The following NKAIN3 variants were observed in gnomAD, a reference collection of about 807,000 sequenced individuals.
The protein encoded by NKAIN3 is sodium/potassium-transporting ATPase subunit beta-1-interacting protein 3.
Under a neutral mutation model 30.2 loss-of-function variants are expected in NKAIN3, and 25 were observed. The ratio of observed to expected loss-of-function variants is 0.83; its 90% CI spans 0.60 to 1.16. The LOEUF is 1.16. Among genes scored for constraint, NKAIN3 ranks in the 50% most tolerant of loss-of-function variants. The probability of loss-of-function intolerance (pLI) is 0.00; values close to 1 mark genes in which losing one functional copy is unlikely to be tolerated. For missense variants in NKAIN3, 225 were observed against 254.1 expected (o/e 0.89, Z 0.78); for synonymous variants, 91 against 89.6 (o/e 1.02, Z -0.09).
At chr8:62,841,860 T>TTTAG (rs1204048819) in intron 4 of NKAIN3, among the ~76,000 whole-genome samples, 6 of 152,152 alleles carry the variant, frequency 3.9e-5, no homozygotes, top group African/African-American at 1.4e-4. Context: ...GAGTTCTATT[T>TTTAG]TTAGTTTTTG....
intron 1 of NKAIN3, among the ~76,000 whole-genome samples, chr8:62,536,942 C>T (rs1004747957): frequency 3.3e-5 from 5 of 151,978 alleles, no homozygotes; most frequent in African/African-American, 1.2e-4. Context: ...CTCTGCTCTC[C>T]CATCAGGAGA....
rs1333109129 is a variant in NKAIN3 at position 62,971,257 on chromosome 8, G to A, written c.*5850G>A. On this transcript the variant is annotated 3_prime_UTR_variant, in exon 7 of 7. Transcript: ENST00000623646. ...CACTACTTCTGTTTACATCTCATTAGCCAAAACTTGGTCCACCCCCAACTT... is the reference window on the plus strand; with the variant it reads ...CACTACTTCTGTTTACATCTCATTAACCAAAACTTGGTCCACCCCCAACTT... Among the ~76,000 whole-genome samples the A allele has an allele frequency of 6.6e-6, 1 of 152,114 alleles. No individual in the cohort carries two copies.
chr8:62,588,869 G>A (rs1810562609), intron 2 of NKAIN3, among the ~76,000 whole-genome samples: 1 of 151,714 alleles, frequency 6.6e-6, no homozygotes, highest in South Asian at 2.1e-4. Context: ...CATCCTAGCT[G>A]GTCTGTATGT....
At position 62,364,926 on chromosome 8, in the gene NKAIN3, T is replaced by TA. The variant is rs1434500913; in HGVS notation, c.54+115804dup. ...TCAATCAATTAAAATATACATTTGTTAAAAACCTTTATTTGCAGAGTAATT... is the reference window on the plus strand; with the variant it reads ...TCAATCAATTAAAATATACATTTGTTAAAAAACCTTTATTTGCAGAGTAATT... On this transcript the variant is annotated intron_variant, in intron 1 of 6. Transcript: ENST00000623646. Among the ~76,000 whole-genome samples, 14 of 151,838 alleles carry TA rather than the reference T, an allele frequency of 9.2e-5. No homozygotes were observed. In the South Asian group the frequency reaches 2.3e-3, roughly 25 times the overall value.
At chr8:62,814,715 G>T (rs2130720494) in intron 4 of NKAIN3, among the ~76,000 whole-genome samples, 1 of 152,018 alleles carries the variant, frequency 6.6e-6, no homozygotes, top group South Asian at 2.1e-4. Flanking sequence ...CAGAATCTCT[G>T]GGACACATTC....
chr8:62,803,177 A>G (rs1818134495), intron 4 of NKAIN3, among the ~76,000 whole-genome samples: 2 of 152,206 alleles, frequency 1.3e-5, no homozygotes, highest in African/African-American at 4.8e-5. Context: ...AGACTTTAAC[A>G]CCCCACTGTC....
chr8:62,930,909 A>G (rs1812894), intron 5 of NKAIN3, among the ~76,000 whole-genome samples: 6,033 of 151,950 alleles, frequency 0.04, 365 homozygotes, highest in African/African-American at 0.13. Context: ...GGGTTTCACC[A>G]TGTTAGCCAG....
chr8:62,754,114 T>C (rs1262450918), intron 4 of NKAIN3, among the ~76,000 whole-genome samples: 1 of 152,074 alleles, frequency 6.6e-6, no homozygotes, highest in Admixed American at 6.6e-5. Flanking sequence ...TATATTTGAT[T>C]TGTATAGAAA....
chr8:62,384,636 T>C (rs937723228), intron 1 of NKAIN3, among the ~76,000 whole-genome samples: 1 of 152,176 alleles, frequency 6.6e-6, no homozygotes, highest in Non-Finnish European at 1.5e-5. Context: ...CCCATATTGT[T>C]CAAGAATCAA....
At chr8:62,636,887 A>G (rs562249196) in intron 3 of NKAIN3, among the ~76,000 whole-genome samples, 1 of 152,302 alleles carries the variant, frequency 6.6e-6, no homozygotes, top group East Asian at 1.9e-4. Flanking sequence ...ACCTAAACTC[A>G]TTTTATTGTG....
intron 3 of NKAIN3, among the ~76,000 whole-genome samples, chr8:62,630,973 T>C (rs1282208678): frequency 6.6e-6 from 1 of 152,144 alleles, no homozygotes; most frequent in African/African-American, 2.4e-5. Flanking sequence ...ATCAGCCAAG[T>C]TTCTGGAAAG....
intron 3 of NKAIN3, among the ~76,000 whole-genome samples, chr8:62,622,963 AT>A (rs1811665471): frequency 6.6e-6 from 1 of 151,960 alleles, no homozygotes; most frequent in African/African-American, 2.4e-5. Flanking sequence ...TATTTCTCAT[AT>A]AAGATAAAAT....
chr8:62,626,179 G>A (rs1811781620), intron 3 of NKAIN3, among the ~76,000 whole-genome samples: 1 of 152,066 alleles, frequency 6.6e-6, no homozygotes, highest in Non-Finnish European at 1.5e-5. Flanking sequence ...TAGGTAGGAA[G>A]GGTATCCACT....
At chr8:62,685,667 G>T (rs996493394) in intron 3 of NKAIN3, among the ~76,000 whole-genome samples, 8 of 152,066 alleles carry the variant, frequency 5.3e-5, no homozygotes, top group Non-Finnish European at 1.2e-4. Context: ...TCAAATACTT[G>T]CCCCAAGAGG....
At chr8:62,296,875 T>C (rs1215570626) in intron 1 of NKAIN3, among the ~76,000 whole-genome samples, 2 of 152,090 alleles carry the variant, frequency 1.3e-5, no homozygotes, top group African/African-American at 4.8e-5. Flanking sequence ...CTCTCATGCT[T>C]CTCAGTGGCT....
chr8:62,285,191 G>A (rs1212126023), intron 1 of NKAIN3, among the ~76,000 whole-genome samples: 2 of 152,082 alleles, frequency 1.3e-5, no homozygotes, highest in African/African-American at 4.8e-5. Flanking sequence ...AAAAGAAAAC[G>A]TCACTGTAAA....
chr8:62,372,828 A>G (rs1207815335), intron 1 of NKAIN3, among the ~76,000 whole-genome samples: 1 of 152,068 alleles, frequency 6.6e-6, no homozygotes, highest in Non-Finnish European at 1.5e-5. Flanking sequence ...TCTATCTTTT[A>G]CCTTTTGATT....
intron 1 of NKAIN3, chr8:62,473,303 C>T (rs2129600138): frequency 6.6e-6 from 1 of 152,264 alleles, no homozygotes; most frequent in African/African-American, 2.4e-5. Context: ...TGAGATTTGT[C>T]AATTTTTACA....
intron 6 of NKAIN3, among the ~76,000 whole-genome samples, chr8:62,964,537 A>AGTGT (rs56313500): frequency 0.019 from 2,568 of 133,156 alleles, 31 homozygotes; most frequent in Admixed American, 0.026. Context: ...AGAGAGAGAG[A>AGTGT]GTGTGTGTGT....
Sources: allele counts gnomAD v4.1 joint callset (sites outside exome capture counted in the v4.1 genomes callset), GRCh38; gene constraint gnomAD v4.1.1; transcripts MANE v1.5; gene names NCBI Gene and HGNC (gene_info 2026-07-23, HGNC 2026-07-21).